RAI1: variants seen among roughly 807,000 people sequenced by gnomAD.
RAI1 encodes the protein retinoic acid-induced protein 1.
A neutral mutation model predicts 123.8 loss-of-function variants in RAI1; 9 were observed. That is an observed-to-expected ratio of 0.07 (90% confidence interval 0.04 to 0.13). The LOEUF is 0.13. RAI1 is among the 10% of genes least tolerant of loss of function. The probability of loss-of-function intolerance (pLI) is 1.00; values close to 1 mark genes in which losing one functional copy is unlikely to be tolerated. For missense variants in RAI1, 2,256 were observed against 2,545.8 expected, an observed-to-expected ratio of 0.89 and a Z score of 2.45; for synonymous variants, 1,231 against 1,127.3, an observed-to-expected ratio of 1.09 and a Z score of -1.84.
intron 1 of RAI1, among the ~76,000 whole-genome samples, chr17:17,696,834 C>A (rs1441310814): frequency 6.6e-6 from 1 of 152,234 alleles, no homozygotes; most frequent in Non-Finnish European, 1.5e-5. Flanking sequence ...AGGTCTCAGA[C>A]CTTGGCCTCA....
intron 2 of RAI1, among the ~76,000 whole-genome samples, chr17:17,752,416 C>T (rs1304671949): frequency 2.6e-5 from 4 of 151,818 alleles, no homozygotes; most frequent in East Asian, 1.9e-4. Flanking sequence ...TACTGGCGCG[C>T]GCTGCCTGTG....
intron 2 of RAI1, among the ~76,000 whole-genome samples, chr17:17,781,692 C>T (rs2031586263): frequency 6.6e-6 from 1 of 152,228 alleles, no homozygotes; most frequent in Non-Finnish European, 1.5e-5. Flanking sequence ...GGCACTTTCC[C>T]AGTCCCCTGG....
rs1235697767 is a variant in RAI1 at position 17,795,447 on chromosome 17, G to A, written c.2499G>A (p.Lys833=). The A allele has an allele frequency of 6.3e-7, 1 of 1,590,388 alleles. No individual in the cohort carries two copies. Among genetic ancestry groups the A allele is most frequent in the Non-Finnish European group, 8.6e-7 (1 of 1,167,902 alleles). ...TGCTGCAGTGCCCCGAGGTGGCCAA[G>A]GCTGACCGGTGGCTGGAGGACAGCC... ...GGLLQCPEVA[K]ADRWLEDSRH... Residue 833 remains lysine (K), a synonymous_variant, in exon 3 of 6, where the codon AAG becomes AAA. Coordinates refer to ENST00000353383, the MANE Select transcript of RAI1 (RefSeq NM_030665.4). This position sits in a 1 kb window ranked among gnomAD's most constrained non-coding sequence, Gnocchi z 5.9.
At chr17:17,752,583 C>T (rs1478456546) in intron 2 of RAI1, among the ~76,000 whole-genome samples, 1 of 152,102 alleles carries the variant, frequency 6.6e-6, no homozygotes, top group Admixed American at 6.5e-5. Context: ...TTTTCTTGGC[C>T]CTTGGAGTCT....
At chr17:17,702,653 G>A (rs1004127053) in intron 1 of RAI1, among the ~76,000 whole-genome samples, 3 of 152,218 alleles carry the variant, frequency 2.0e-5, no homozygotes, top group Non-Finnish European at 4.4e-5. Flanking sequence ...CTACTGGCAT[G>A]CCTCGGGGTT....
rs747528529 is a variant in RAI1 at position 17,794,224 on chromosome 17, C to T, written c.1276C>T (p.Leu426=). ...PLQKDKLPEN[L]LSDLSLQSLT... is the part of the protein sequence containing the mutation. ...TCAGAAGGACAAGCTCCCTGAGAAC[C>T]TGCTGTCGGATCTCAGCCTGCAGAG... Residue 426 remains leucine, a synonymous_variant, in exon 3 of 6, where the codon CTG becomes TTG. Coordinates refer to ENST00000353383, the MANE Select transcript of RAI1 (RefSeq NM_030665.4). The T allele has an allele frequency of 4.2e-5, 68 of 1,613,378 alleles. No individual in the cohort carries two copies. The highest frequency in any genetic ancestry group is 5.7e-5 in the Non-Finnish European group (67 of 1,180,054).
chr17:17,786,944 A>G (rs1028481866), intron 2 of RAI1, among the ~76,000 whole-genome samples: 2 of 152,206 alleles, frequency 1.3e-5, no homozygotes, highest in African/African-American at 2.4e-5. Context: ...GTTGTGGCAC[A>G]TGCCTGTAAT....
At chr17:17,693,594 C>T (rs975118202) in intron 1 of RAI1, among the ~76,000 whole-genome samples, 3 of 152,276 alleles carry the variant, frequency 2.0e-5, no homozygotes, top group Non-Finnish European at 2.9e-5. Flanking sequence ...TGCCATGAGG[C>T]GGCGCTTGCT....
chr17:17,735,071 G>A (rs1382703691), intron 2 of RAI1, among the ~76,000 whole-genome samples: 5 of 147,390 alleles, frequency 3.4e-5, no homozygotes, highest in Non-Finnish European at 6.0e-5. Flanking sequence ...TTTTTTTTTC[G>A]AGACGGAGTC....
chr17:17,797,769 C>A lies in RAI1; in HGVS notation c.4821C>A (p.Phe1607Leu). ...PFVRVEKRDA[F>L]TTICTVVNSP... ...TGCGGGTGGAGAAGCGAGACGCGTT[C>A]ACCACCATATGCACTGTTGTCAACT... Residue 1607 changes from phenylalanine (F) to leucine (L), a missense_variant, in exon 3 of 6, where the codon TTC becomes TTA. By Grantham distance (22) the Phe-to-Leu change is conservative (BLOSUM62 0). Transcript: ENST00000353383. 1.2e-6 allele frequency: 2 copies of A among 1,614,102 alleles called. No homozygotes were observed. Among genetic ancestry groups the A allele is most frequent in the Non-Finnish European group, 1.7e-6 (2 of 1,180,030 alleles).
In RAI1 at chr17:17,797,941, C is replaced by T; in HGVS notation, c.4993C>T (p.Pro1665Ser). The change falls in exon 3 of 6, where the codon CCC becomes TCC. Residue 1665 changes from proline (P) to serine (S), a missense_variant. Pro to Ser is a moderately conservative substitution (Grantham distance 74). Transcript: ENST00000353383. ...CATCCTGCAGCCGCGGCCCTCCTTG[C>T]CCCTCTCCTCCACGATGCACTTGGG... ...GSILQPRPSL[P>S]LSSTMHLGPV... 1 of 1,614,058 alleles carries T rather than the reference C, an allele frequency of 6.2e-7. No individual in the cohort carries two copies. The highest frequency in any genetic ancestry group is 8.5e-7 in the Non-Finnish European group (1 of 1,180,022).
chr17:17,808,915 A>C (rs931302606), intron 4 of RAI1, among the ~76,000 whole-genome samples: 4 of 152,186 alleles, frequency 2.6e-5, no homozygotes, highest in African/African-American at 9.7e-5. Flanking sequence ...TGACATGCTC[A>C]CTGGAAGTTA....
intron 4 of RAI1, among the ~76,000 whole-genome samples, chr17:17,808,086 C>T (rs1184237812): frequency 6.6e-6 from 1 of 152,196 alleles, no homozygotes; most frequent in South Asian, 2.1e-4. Flanking sequence ...GCACCAGCCT[C>T]CAGCTACTTT....
At chr17:17,782,370 G>A (rs1380418297) in intron 2 of RAI1, among the ~76,000 whole-genome samples, 1 of 152,010 alleles carries the variant, frequency 6.6e-6, no homozygotes, top group African/African-American at 2.4e-5. Flanking sequence ...GGACTCCAGG[G>A]GAGGTGGCGT....
At chr17:17,783,426 G>A (rs887940670) in intron 2 of RAI1, among the ~76,000 whole-genome samples, 5 of 151,666 alleles carry the variant, frequency 3.3e-5, no homozygotes, top group Admixed American at 1.3e-4. Context: ...GCGGGCGGGG[G>A]AACACAAATA....
At chr17:17,690,246 G>T (rs1370601861) in intron 1 of RAI1, among the ~76,000 whole-genome samples, 6 of 152,046 alleles carry the variant, frequency 3.9e-5, no homozygotes, top group Non-Finnish European at 2.9e-5. Context: ...AGATAGCTGG[G>T]CGTGGTGGTG....
intron 2 of RAI1, among the ~76,000 whole-genome samples, chr17:17,724,930 T>G (rs1167353842): frequency 6.6e-6 from 1 of 152,052 alleles, no homozygotes; most frequent in East Asian, 2.0e-4. Context: ...GTGGCCCCCC[T>G]GCCCTGCGCC....
chr17:17,723,848 C>T (rs1228630875), intron 1 of RAI1, among the ~76,000 whole-genome samples, 180 bp from the exon 2 acceptor site: 1 of 150,318 alleles, frequency 6.7e-6, no homozygotes. Flanking sequence ...CCTCCTGACC[C>T]CCGGCGGCCT....
intron 1 of RAI1, among the ~76,000 whole-genome samples, chr17:17,713,197 A>G (rs952634914): frequency 3.3e-5 from 5 of 152,202 alleles, no homozygotes; most frequent in African/African-American, 1.2e-4. Flanking sequence ...ATTTCTAACC[A>G]AAATTGGATG....
Sources: allele counts gnomAD v4.1 joint callset (sites outside exome capture counted in the v4.1 genomes callset), GRCh38; gene constraint gnomAD v4.1.1; non-coding constraint Gnocchi (gnomAD v3.1); transcripts MANE v1.5; gene names NCBI Gene and HGNC (gene_info 2026-07-23, HGNC 2026-07-21).